ERI3: variants seen among roughly 807,000 people sequenced by gnomAD.
ERI3 encodes ERI1 exoribonuclease 3.
ERI3 carries 18 observed loss-of-function variants against 44.4 expected under a neutral mutation model. The ratio of observed to expected loss-of-function variants is 0.41; its 90% CI spans 0.28 to 0.60. ERI3 has a LOEUF of 0.60. Among genes scored for constraint, ERI3 ranks in the 20% least tolerant of loss-of-function variants. ERI3 has a pLI of 0.36. For synonymous variants in ERI3, 183 were observed against 164.8 expected (o/e 1.11, Z -0.84); for missense variants, 294 against 435.5 (o/e 0.68, Z 2.89).
intron 7 of ERI3, among the ~76,000 whole-genome samples, chr1:44,276,247 A>G (rs1451362824): frequency 1.3e-5 from 2 of 152,242 alleles, no homozygotes; most frequent in Non-Finnish European, 2.9e-5. Context: ...TGAGATCTGG[A>G]GAGGACAAAC....
chr1:44,324,476 CTTTTTTTTTTTT>C (rs35475844), intron 3 of ERI3, among the ~76,000 whole-genome samples: 4 of 90,432 alleles, frequency 4.4e-5, no homozygotes, highest in Non-Finnish European at 6.2e-5. Context: ...AACATAGACT[CTTTTTTTTTTTT>C]TTTTTTTTTT....
intron 3 of ERI3, among the ~76,000 whole-genome samples, chr1:44,333,525 C>T (rs868070644): frequency 2.0e-5 from 3 of 152,116 alleles, no homozygotes; most frequent in East Asian, 1.9e-4. Context: ...CACTTAGTCA[C>T]GGCAGGAACC....
At chr1:44,295,729 T>C (rs1279054964) in intron 6 of ERI3, among the ~76,000 whole-genome samples, 1 of 152,172 alleles carries the variant, frequency 6.6e-6, no homozygotes, top group African/African-American at 2.4e-5. Context: ...CTAAATCAAC[T>C]TTCAGGGGAC....
At chr1:44,244,107 AAATG>A (rs1476899450) in intron 8 of ERI3, 2 of 152,518 alleles carry the variant, frequency 1.3e-5, no homozygotes, top group Non-Finnish European at 2.9e-5. Context: ...CCCTTTGCTG[AAATG>A]AATGAAGGAC....
At chr1:44,230,106 A>T (rs562196674) in intron 8 of ERI3, among the ~76,000 whole-genome samples, 1 of 152,298 alleles carries the variant, frequency 6.6e-6, no homozygotes, top group South Asian at 2.1e-4. Context: ...CTGGCCATAA[A>T]TTTATCTGGA....
chr1:44,354,961 G>A lies in ERI3; in HGVS notation c.66C>T (p.Ser22=), dbSNP rs771700525. The A allele has an allele frequency of 3.0e-6, 4 of 1,346,776 alleles. No homozygotes were observed. The East Asian group carries it at 1.1e-4, about 38-fold the overall frequency. The allele number at this position is 1,346,776 out of a possible 1,614,324, so 83.4% of individuals were successfully genotyped here. A position where few individuals can be genotyped will look rare whatever the true frequency, so the allele number is the denominator to read the frequency against. ...RGRPWEGGLV[S]WPPAPPLTLP... ...GAGTAAGGGGAGGGGCGGGGGGCCA[G>A]GAGACCAGCCCTCCTTCCCAGGGCC... The change falls in exon 1 of 9, where the codon TCC becomes TCT. Residue 22 remains serine (S), a synonymous_variant. Coordinates refer to ENST00000372257, the MANE Select transcript of ERI3 (RefSeq NM_024066.3).
chr1:44,341,661 A>G (rs1191260273), intron 2 of ERI3, among the ~76,000 whole-genome samples: 4 of 152,200 alleles, frequency 2.6e-5, no homozygotes, highest in African/African-American at 9.7e-5. Context: ...CTGAGGCAGA[A>G]GTATTGCTTG....
rs1036628849 is a variant in ERI3, at chr1:44,221,195, C to T, written c.*363G>A. On this transcript the variant is annotated 3_prime_UTR_variant, in exon 9 of 9. Transcript: ENST00000372257. The surrounding 1 kb of genome is among the most constrained non-coding windows in gnomAD (Gnocchi z 5.9). ...CTGGAGCCCTGGGGGCACCACACAC[C>T]ATGCACTATGGATGGGAGGGGGCAC... 3.0e-6 allele frequency: 1 copy of T among 331,554 alleles called. No individual in the cohort carries two copies. The allele number at this position is 331,554 out of a possible 1,614,324, so 20.5% of individuals were successfully genotyped here. A position where few individuals can be genotyped will look rare whatever the true frequency, so the allele number is the denominator to read the frequency against.
chr1:44,307,544 G>A (rs551564229), intron 6 of ERI3, among the ~76,000 whole-genome samples: 44 of 152,222 alleles, frequency 2.9e-4, no homozygotes, highest in African/African-American at 7.7e-4. Context: ...ATCCCACTTC[G>A]GTTCCCTGGG....
At chr1:44,242,535 G>C (rs1644461579) in intron 8 of ERI3, among the ~76,000 whole-genome samples, 1 of 152,226 alleles carries the variant, frequency 6.6e-6, no homozygotes, top group African/African-American at 2.4e-5. Flanking sequence ...AGATGTCATG[G>C]AGAAAGGGGA....
intron 7 of ERI3, among the ~76,000 whole-genome samples, chr1:44,273,550 G>A (rs1645127154): frequency 6.6e-6 from 1 of 152,216 alleles, no homozygotes; most frequent in Non-Finnish European, 1.5e-5. Context: ...GCTTGTTGAT[G>A]CCTAGTGTGT....
chr1:44,328,214 G>C (rs1307773519), intron 3 of ERI3, among the ~76,000 whole-genome samples: 1 of 147,462 alleles, frequency 6.8e-6, no homozygotes. Flanking sequence ...ATACACAAAC[G>C]GATACCCGCC....
intron 8 of ERI3, among the ~76,000 whole-genome samples, chr1:44,234,614 A>G (rs1331712824): frequency 6.6e-6 from 1 of 152,032 alleles, no homozygotes; most frequent in African/African-American, 2.4e-5. Flanking sequence ...AGCCGAGATC[A>G]CATCACTGCA....
At chr1:44,231,579 G>A (rs920637111) in intron 8 of ERI3, among the ~76,000 whole-genome samples, 2 of 151,970 alleles carry the variant, frequency 1.3e-5, no homozygotes, top group Non-Finnish European at 2.9e-5. Flanking sequence ...ATGTTACCAA[G>A]GCTGGTTCCT....
chr1:44,270,682 A>G (rs1645071846), intron 7 of ERI3, among the ~76,000 whole-genome samples: 3 of 152,230 alleles, frequency 2.0e-5, no homozygotes, highest in Admixed American at 2.0e-4. Context: ...AGCAGCCAGC[A>G]AGAGAAGGCA....
intron 5 of ERI3, among the ~76,000 whole-genome samples, chr1:44,310,912 C>T (rs1645941572): frequency 6.6e-6 from 1 of 151,422 alleles, no homozygotes; most frequent in African/African-American, 2.4e-5. Context: ...GCTAAATGGT[C>T]TCTCTCCTCT....
chr1:44,351,189 A>G (rs571373462), intron 2 of ERI3, among the ~76,000 whole-genome samples: 114 of 152,210 alleles, frequency 7.5e-4, no homozygotes, highest in African/African-American at 2.7e-3. Flanking sequence ...GTGCACCACC[A>G]TGCCCAGCTA....
At chr1:44,250,747 A>G (rs528353954) in intron 7 of ERI3, among the ~76,000 whole-genome samples, 3 of 152,110 alleles carry the variant, frequency 2.0e-5, no homozygotes, top group Admixed American at 2.0e-4. Context: ...ATGGGGCGGG[A>G]GAGGGGGTGG....
intron 6 of ERI3, among the ~76,000 whole-genome samples, chr1:44,287,880 A>AG (rs34209191): frequency 3.3e-5 from 5 of 152,216 alleles, no homozygotes; most frequent in Non-Finnish European, 7.3e-5. Flanking sequence ...GGAATAAGCC[A>AG]GGGGGACTGG....
Sources: gnomAD v4.1 joint callset for allele counts (sites outside exome capture counted in the v4.1 genomes callset) on GRCh38, gnomAD v4.1.1 for gene constraint, Gnocchi (gnomAD v3.1) non-coding constraint, MANE v1.5 for transcripts, NCBI Gene and HGNC (gene_info 2026-07-23, HGNC 2026-07-21) for gene names.